Variants in TECTB observed in about 807,000 individuals in gnomAD.
TECTB encodes tectorin beta.
In TECTB, 45 loss-of-function variants were observed where a neutral mutation model predicts 43.3. The observed-to-expected ratio is 1.04, with a 90% CI of 0.82 to 1.33. The LOEUF (loss-of-function observed/expected upper bound fraction) is 1.33, where lower values mean the gene tolerates loss of function less well. Among genes scored for constraint, TECTB ranks in the 40% most tolerant of loss-of-function variants. The probability of loss-of-function intolerance (pLI) is 0.00; values close to 1 mark genes in which losing one functional copy is unlikely to be tolerated. For synonymous variants in TECTB, 169 were observed against 156.7 expected (o/e 1.08, Z -0.59); for missense variants, 399 against 404.7 (o/e 0.99, Z 0.12).
intron 5 of TECTB, among the ~76,000 whole-genome samples, chr10:112,288,826 C>T (rs1251803836): frequency 5.3e-5 from 8 of 152,166 alleles, no homozygotes; most frequent in Admixed American, 6.5e-5. Context: ...CATCCCCCTC[C>T]CACTCACTCT....
At chr10:112,301,809 C>CGAG (rs1848614649) in intron 9 of TECTB, among the ~76,000 whole-genome samples, 1 of 152,112 alleles carries the variant, frequency 6.6e-6, no homozygotes, top group South Asian at 2.1e-4. Flanking sequence ...ATCTCAGCTT[C>CGAG]AAGCAATTCT....
intron 9 of TECTB, among the ~76,000 whole-genome samples, chr10:112,300,279 A>AAAGAAAGAAAGAAAGGAAAG (rs1361291056): frequency 8.3e-5 from 4 of 48,360 alleles, no homozygotes; most frequent in African/African-American, 8.9e-5. Context: ...AGAAAGAAAG[A>AAAGAAAGAAAGAAAGGAAAG]AAAGAAAGAA....
Position 112,298,051 on chromosome 10 carries a change from T to C in TECTB, c.672-18T>C. ...TCAAGGAGATGACAGTTCACTCTTC[T>C]TTCCCCATCTGCCTCAGCTGCCCCA... On this transcript the variant is annotated intron_variant, in intron 7 of 10. Coordinates refer to ENST00000646139, the MANE Select transcript of TECTB (RefSeq NM_058222.3). The C allele has an allele frequency of 3.1e-6, 5 of 1,614,026 alleles. No individual in the cohort carries two copies. The highest frequency in any genetic ancestry group is 4.2e-6 in the Non-Finnish European group (5 of 1,180,000).
chr10:112,286,334 C>A lies in TECTB; in HGVS notation c.426C>A (p.His142Gln), dbSNP rs149007616. The change falls in exon 5 of 11, where the codon CAC becomes CAA. Residue 142 changes from histidine to glutamine, a missense_variant. Coordinates refer to ENST00000646139, the MANE Select transcript of TECTB (RefSeq NM_058222.3). ...CCCTTTTCAGAGTGGCCACTGTTCA[C>A]GTGAAGAACGGGAGCATGGGCACAT... ...AAFDQRVATV[H>Q]VKNGSMGTFE... is the part of the protein sequence containing the mutation. 5 of 1,612,012 alleles carry A rather than the reference C, an allele frequency of 3.1e-6. No individual in the cohort carries two copies. Among genetic ancestry groups the A allele is most frequent in the Non-Finnish European group, 4.2e-6 (5 of 1,178,328 alleles).
chr10:112,289,963 T>C (rs1489039119), intron 5 of TECTB, among the ~76,000 whole-genome samples: 1 of 152,190 alleles, frequency 6.6e-6, no homozygotes, highest in Non-Finnish European at 1.5e-5. Flanking sequence ...ACTGGCTAGT[T>C]GTGACTCAAC....
At chr10:112,292,637 T>G (rs1279263478) in intron 5 of TECTB, among the ~76,000 whole-genome samples, 2 of 152,028 alleles carry the variant, frequency 1.3e-5, no homozygotes, top group Non-Finnish European at 2.9e-5. Flanking sequence ...AGGGACAGGG[T>G]TTCGTCATGT....
At chr10:112,290,075 G>A (rs1408234673) in intron 5 of TECTB, among the ~76,000 whole-genome samples, 1 of 152,074 alleles carries the variant, frequency 6.6e-6, no homozygotes, top group Non-Finnish European at 1.5e-5. Context: ...GAAAATTCTA[G>A]AAATAAACAA....
intron 3 of TECTB, 90 bp downstream of exon 3, chr10:112,284,815 C>A: frequency 8.5e-7 from 1 of 1,180,640 alleles, no homozygotes; most frequent in Non-Finnish European, 1.1e-6. Flanking sequence ...TGAAAGGATT[C>A]AGAATTTACC....
chr10:112,284,477 T>TA, intron 2 of TECTB, 58 bp from the exon 3 acceptor site: 1 of 1,459,966 alleles, frequency 6.8e-7, no homozygotes, highest in African/African-American at 1.4e-5. Context: ...CACTGTTCGT[T>TA]ACGTAGGTTA....
chr10:112,300,928 A>T lies in TECTB; in HGVS notation c.908-1173A>T, dbSNP rs77828690. 1.9e-4 allele frequency among the ~76,000 whole-genome samples: 29 copies of T among 152,376 alleles called. No individual in the cohort carries two copies. In the East Asian group the frequency reaches 5.6e-3, roughly 29 times the overall value. On this transcript the variant is annotated intron_variant, in intron 9 of 10. Transcript: ENST00000646139. Reference sequence around the variant, plus strand: ...CAAGTGAGACCTGAAGGATAGTGTGACATGAAGGGTGGGCAAAACCTGTGG... The same window carrying T: ...CAAGTGAGACCTGAAGGATAGTGTGTCATGAAGGGTGGGCAAAACCTGTGG...
chr10:112,283,661 C>T lies in TECTB; in HGVS notation c.-74C>T. ...TTTCTGACTTAGAATGATCGAGGCT[C>T]AGGCCCTGGAAGGACCGTAAACATT... On this transcript the variant is annotated 5_prime_UTR_variant, in exon 2 of 11. It introduces an in-frame stop codon into an upstream open reading frame of the 5' UTR. Coordinates refer to ENST00000646139, the MANE Select transcript of TECTB (RefSeq NM_058222.3). 1 of 1,388,942 alleles carries T rather than the reference C, an allele frequency of 7.2e-7. No homozygotes were observed. Among genetic ancestry groups the T allele is most frequent in the Non-Finnish European group, 1.0e-6 (1 of 988,060 alleles). 86.0% of individuals were successfully genotyped at this position (1,388,942 alleles called of 1,614,324 possible).
At chr10:112,303,132 A>T in intron 10 of TECTB, 131 bp from the exon 11 acceptor site, 1 of 1,065,762 alleles carries the variant, frequency 9.4e-7, no homozygotes, top group South Asian at 1.4e-5. Flanking sequence ...TCCCCAAGGG[A>T]TGAACAAAAT....
In TECTB at chr10:112,284,709, G is replaced by C; in HGVS notation, c.251G>C (p.Cys84Ser). 6.3e-7 allele frequency: 1 copy of C among 1,599,814 alleles called. No homozygotes were observed. The highest frequency in any genetic ancestry group is 8.5e-7 in the Non-Finnish European group (1 of 1,172,252). ...TTATCACCTAAAAACAAGTCCTATT[G>C]TGGAACCCAGTCTGAGGTAAGACCA... The part of the protein sequence containing the change: ...PDLSPKNKSY[C>S]GTQSEYKPPI... Residue 84 changes from cysteine to serine, a missense_variant, in exon 3 of 11, where the codon TGT becomes TCT. Transcript: ENST00000646139.
chr10:112,302,342 G>C (rs1430934397), intron 10 of TECTB: 7 of 516,054 alleles, frequency 1.4e-5, no homozygotes, highest in Non-Finnish European at 2.3e-5. Context: ...AGGAACCGAA[G>C]GTAAATCGGA....
At position 112,302,080 on chromosome 10, in the gene TECTB, TTC is replaced by T. The variant is rs754783118; in HGVS notation, c.908-15_908-14del. The T allele has an allele frequency of 1.9e-6, 3 of 1,613,020 alleles. No individual in the cohort carries two copies. The highest frequency in any genetic ancestry group is 2.7e-5 in the African/African-American group (2 of 74,884). On this transcript the variant is annotated intron_variant, in intron 9 of 10. Transcript: ENST00000646139. ...ATGATCTTTTCTTAAACTTTCTGCA[TTC>T]TCTCTTTACTCACTACAGGCAGGGG...
intron 9 of TECTB, among the ~76,000 whole-genome samples, 180 bp from the exon 10 acceptor site, chr10:112,301,921 A>C (rs1848615581): frequency 6.6e-6 from 1 of 151,998 alleles, no homozygotes; most frequent in African/African-American, 2.4e-5. Flanking sequence ...ATGTTGCCCA[A>C]GCTGGTTTCG....
chr10:112,289,494 G>A (rs996132298), intron 5 of TECTB, among the ~76,000 whole-genome samples: 1 of 152,156 alleles, frequency 6.6e-6, no homozygotes, highest in Non-Finnish European at 1.5e-5. Context: ...CTCTTCCAAA[G>A]ACAATGATAT....
intron 10 of TECTB, chr10:112,303,006 G>A (rs958753540): frequency 2.2e-5 from 11 of 490,972 alleles, no homozygotes; most frequent in Non-Finnish European, 4.0e-5. Flanking sequence ...TCGTTTTTAA[G>A]TTCTACACTG....
chr10:112,284,471 G>A, intron 2 of TECTB, 64 bp from the exon 3 acceptor site: 1 of 1,439,212 alleles, frequency 6.9e-7, no homozygotes. Flanking sequence ...GGAATCCACT[G>A]TTCGTTACGT....
Sources: gnomAD v4.1 joint callset for allele counts (sites outside exome capture counted in the v4.1 genomes callset) on GRCh38, gnomAD v4.1.1 for gene constraint, MANE v1.5 for transcripts, NCBI Gene and HGNC (gene_info 2026-07-23, HGNC 2026-07-21) for gene names.